Variants in AIG1 observed in about 807,000 individuals in gnomAD.
AIG1 encodes the protein androgen induced 1.
Under a neutral mutation model 31.4 loss-of-function variants are expected in AIG1, and 23 were observed. The observed-to-expected ratio is 0.73, with a 90% CI of 0.53 to 1.04. The LOEUF is 1.04. AIG1 is among the 50% of genes least tolerant of loss of function. The pLI is 0.00. For synonymous variants in AIG1, 100 were observed against 110.5 expected, an observed-to-expected ratio of 0.90 and a Z score of 0.60; for missense variants, 274 against 295.0, an observed-to-expected ratio of 0.93 and a Z score of 0.52.
At chr6:143,341,078 C>G (rs1178503281), downstream of AIG1, among the ~76,000 whole-genome samples, 1 of 152,154 alleles carries the variant, frequency 6.6e-6, no homozygotes. Context: ...CTCTGTCTCT[C>G]TCTTTCTCCC....
chr6:143,311,804 G>T (rs1287896714), intron 4 of AIG1, among the ~76,000 whole-genome samples: 2 of 151,844 alleles, frequency 1.3e-5, no homozygotes, highest in African/African-American at 4.8e-5. Context: ...CTTATGTTTG[G>T]AAAAACCTAA....
chr6:143,142,799 T>A (rs1440425160), intron 2 of AIG1, among the ~76,000 whole-genome samples: 1 of 152,254 alleles, frequency 6.6e-6, no homozygotes, highest in Non-Finnish European at 1.5e-5. Flanking sequence ...AACTTGATTT[T>A]ACTTGTAATG....
At chr6:143,341,584 G>A (rs1307277708), downstream of AIG1, among the ~76,000 whole-genome samples, 1 of 152,214 alleles carries the variant, frequency 6.6e-6, no homozygotes, top group Non-Finnish European at 1.5e-5. Flanking sequence ...ACAGAGGAAA[G>A]ACCATGTGAG....
At chr6:143,207,619 C>G (rs944130713) in intron 3 of AIG1, among the ~76,000 whole-genome samples, 3 of 151,994 alleles carry the variant, frequency 2.0e-5, no homozygotes, top group African/African-American at 7.3e-5. Flanking sequence ...CAAGGTGGAA[C>G]TAGTTCTTTG....
intron 3 of AIG1, among the ~76,000 whole-genome samples, chr6:143,182,278 C>T (rs994559685): frequency 6.6e-6 from 1 of 152,190 alleles, no homozygotes; most frequent in Non-Finnish European, 1.5e-5. Flanking sequence ...AAGCAATCCT[C>T]CTGCCTCAGC....
intron 1 of AIG1, among the ~76,000 whole-genome samples, chr6:143,133,223 T>G (rs1583280843): frequency 6.6e-6 from 1 of 152,130 alleles, no homozygotes; most frequent in Non-Finnish European, 1.5e-5. Flanking sequence ...AGCTTTTTTT[T>G]GTTTGTTTGA....
intron 4 of AIG1, among the ~76,000 whole-genome samples, chr6:143,324,472 A>G (rs1396256929): frequency 6.6e-6 from 1 of 152,240 alleles, no homozygotes; most frequent in African/African-American, 2.4e-5. Flanking sequence ...AAACATTAAA[A>G]GAAAAGCTTT....
At chr6:143,227,571 A>G (rs534779426) in intron 3 of AIG1, among the ~76,000 whole-genome samples, 2 of 152,338 alleles carry the variant, frequency 1.3e-5, no homozygotes, top group East Asian at 3.9e-4. Flanking sequence ...AAATATTCCA[A>G]TAACCTTGCA....
chr6:143,263,861 G>A (rs1257458969), intron 3 of AIG1, among the ~76,000 whole-genome samples: 1 of 152,078 alleles, frequency 6.6e-6, no homozygotes, highest in African/African-American at 2.4e-5. Flanking sequence ...GTAGGGCTAG[G>A]GAAAATATAT....
At chr6:143,332,165 C>G (rs1294063042) in intron 4 of AIG1, among the ~76,000 whole-genome samples, 1 of 152,104 alleles carries the variant, frequency 6.6e-6, no homozygotes, top group Non-Finnish European at 1.5e-5. Flanking sequence ...AGCCACTGCA[C>G]CCTGTCAGTA....
intron 3 of AIG1, chr6:143,189,730 C>T (rs1458301741): frequency 4.1e-6 from 4 of 985,408 alleles, no homozygotes; most frequent in Non-Finnish European, 4.8e-6. Flanking sequence ...TCAAAACCCT[C>T]ATCCCTAATT....
At chr6:143,223,106 T>C (rs1489772662) in intron 3 of AIG1, among the ~76,000 whole-genome samples, 1 of 152,194 alleles carries the variant, frequency 6.6e-6, no homozygotes, top group Non-Finnish European at 1.5e-5. Context: ...TGCTCCACAG[T>C]AATTCTGAAA....
At position 143,272,556 on chromosome 6, in the gene AIG1, T is replaced by TG. The variant is rs932838648; in HGVS notation, c.400-11552dup. 8.5e-5 allele frequency among the ~76,000 whole-genome samples: 13 copies of TG among 152,334 alleles called. 1 individual carries two copies. Among genetic ancestry groups the TG allele is most frequent in the Admixed American group, 8.5e-4 (13 of 15,298 alleles). ...CATTGGCCAGGACTAGAGCTTACTG[T>TG]GGCCCCGCCTAACTGAGGAAGCATA... On this transcript the variant is annotated intron_variant, in intron 3 of 5. Transcript: ENST00000357847.
chr6:143,206,418 T>C (rs1791112021), intron 3 of AIG1, among the ~76,000 whole-genome samples: 1 of 152,224 alleles, frequency 6.6e-6, no homozygotes, highest in African/African-American at 2.4e-5. Flanking sequence ...ATATCATTGG[T>C]ATAATATACT....
intron 1 of AIG1, among the ~76,000 whole-genome samples, chr6:143,091,525 A>G (rs1021939480): frequency 3.3e-5 from 5 of 152,238 alleles, no homozygotes; most frequent in Admixed American, 2.0e-4. Context: ...AAAAATCACA[A>G]TCCTTGCTGA....
intron 1 of AIG1, among the ~76,000 whole-genome samples, chr6:143,124,441 C>T (rs1782512457): frequency 6.6e-6 from 1 of 152,194 alleles, no homozygotes; most frequent in African/African-American, 2.4e-5. Context: ...ACTACATGCT[C>T]CAGGTCTCCT....
intron 3 of AIG1, among the ~76,000 whole-genome samples, chr6:143,203,575 A>G (rs566632901): frequency 1.3e-5 from 2 of 152,284 alleles, no homozygotes; most frequent in South Asian, 4.1e-4. Flanking sequence ...TGTGCCCTCT[A>G]AACTGGGGAG....
At chr6:143,143,447 G>A (rs1262122096) in intron 2 of AIG1, among the ~76,000 whole-genome samples, 1 of 127,990 alleles carries the variant, frequency 7.8e-6, no homozygotes, top group African/African-American at 3.0e-5. Flanking sequence ...CTTGCAGTGA[G>A]CCGAGATCAT....
intron 3 of AIG1, among the ~76,000 whole-genome samples, chr6:143,204,359 C>T (rs1790941091): frequency 6.6e-6 from 1 of 152,126 alleles, no homozygotes; most frequent in South Asian, 2.1e-4. Flanking sequence ...AGAGTGCCTA[C>T]ATGTGGCCTC....
Sources: gnomAD v4.1 joint callset for allele counts (sites outside exome capture counted in the v4.1 genomes callset) on GRCh38, gnomAD v4.1.1 for gene constraint, MANE v1.5 for transcripts, NCBI Gene and HGNC (gene_info 2026-07-23, HGNC 2026-07-21) for gene names.